The following EPHA6 variants were observed in gnomAD, a reference collection of about 807,000 sequenced individuals.
EPHA6 encodes ephrin type-A receptor 6.
In EPHA6, 50 loss-of-function variants were observed where a neutral mutation model predicts 112.0. The ratio of observed to expected loss-of-function variants is 0.45; its 90% confidence interval spans 0.36 to 0.56. The LOEUF (loss-of-function observed/expected upper bound fraction) is 0.56, where lower values mean the gene tolerates loss of function less well. Among genes scored for constraint, EPHA6 ranks in the 20% least tolerant of loss-of-function variants. The pLI, the probability that EPHA6 is intolerant of heterozygous loss-of-function variation, is 0.00. For synonymous variants in EPHA6, 529 were observed against 490.7 expected (o/e 1.08, Z -1.03); for missense variants, 1,280 against 1,417.4 (o/e 0.90, Z 1.56).
At chr3:97,748,472 C>A in intron 17 of EPHA6, 115 bp from the exon 18 acceptor site, 1 of 634,046 alleles carries the variant, frequency 1.6e-6, no homozygotes, top group South Asian at 1.9e-5. Flanking sequence ...TTTAAATATT[C>A]ACTTTATCTT....
At chr3:97,342,063 A>G (rs2108862420) in intron 5 of EPHA6, among the ~76,000 whole-genome samples, 1 of 152,330 alleles carries the variant, frequency 6.6e-6, no homozygotes, top group African/African-American at 2.4e-5. Context: ...AGAAACAGAC[A>G]AAGATAACTG....
intron 5 of EPHA6, among the ~76,000 whole-genome samples, chr3:97,266,459 A>G (rs1257639161): frequency 1.3e-5 from 2 of 152,150 alleles, no homozygotes; most frequent in Non-Finnish European, 2.9e-5. Flanking sequence ...TCACATGAGC[A>G]TGATTTAAAG....
At chr3:97,078,266 T>G (rs2046604157) in intron 3 of EPHA6, among the ~76,000 whole-genome samples, 1 of 152,220 alleles carries the variant, frequency 6.6e-6, no homozygotes, top group South Asian at 2.1e-4. Context: ...GTAAATTTGT[T>G]TAAGTTCTTT....
intron 2 of EPHA6, among the ~76,000 whole-genome samples, chr3:96,968,067 T>C (rs530432751): frequency 1.3e-3 from 205 of 152,028 alleles, no homozygotes; most frequent in African/African-American, 4.7e-3. Flanking sequence ...TGTAATATTT[T>C]CTGTAGTTTA....
rs1275398264 is a variant in EPHA6 at position 96,993,424 on chromosome 3, G to A, written c.1114+5431G>A. Among the ~76,000 whole-genome samples, 7 of 152,090 alleles carry A rather than the reference G, an allele frequency of 4.6e-5. No individual in the cohort carries two copies. The East Asian group carries it at 7.8e-4, about 17-fold the overall frequency. ...CGATTCTCAAGCCTCAGCCTCCTGA[G>A]TAACTGAGATTTGTTGGACAGGATA... On this transcript the variant is annotated intron_variant, in intron 3 of 17. Coordinates refer to ENST00000389672, the MANE Select transcript of EPHA6 (RefSeq NM_001080448.3).
Position 97,325,370 on chromosome 3 carries a change from T to C in EPHA6, c.1607-79780T>C, listed in dbSNP as rs2082368432. 2.6e-5 allele frequency among the ~76,000 whole-genome samples: 4 copies of C among 152,116 alleles called. No individual in the cohort carries two copies. In the South Asian group the frequency reaches 8.3e-4, roughly 31 times the overall value. ...TCCTTTCACTGTGTCCTCACTGGTC[T>C]TTTCTCTGTGTGTGCACATCCCTGG... On this transcript the variant is annotated intron_variant, in intron 5 of 17. Transcript: ENST00000389672.
At chr3:97,486,953 G>T (rs1018775429) in intron 10 of EPHA6, among the ~76,000 whole-genome samples, 6 of 152,148 alleles carry the variant, frequency 3.9e-5, no homozygotes, top group African/African-American at 1.4e-4. Context: ...CCCAGCTATT[G>T]ATTGTTTCTT....
At chr3:97,736,819 TAC>T (rs928613577) in intron 16 of EPHA6, among the ~76,000 whole-genome samples, 1 of 152,076 alleles carries the variant, frequency 6.6e-6, no homozygotes, top group African/African-American at 2.4e-5. Flanking sequence ...CTGAAAATAT[TAC>T]ATTTTAAATA....
intron 5 of EPHA6, among the ~76,000 whole-genome samples, chr3:97,392,352 G>A (rs906253289): frequency 1.3e-5 from 2 of 151,468 alleles, no homozygotes; most frequent in African/African-American, 2.4e-5. Context: ...CTTCTGTTTT[G>A]CTCTTCTTAC....
At chr3:97,501,992 C>T (rs899517539) in intron 10 of EPHA6, among the ~76,000 whole-genome samples, 3 of 151,762 alleles carry the variant, frequency 2.0e-5, no homozygotes, top group African/African-American at 7.3e-5. Context: ...CATGTCTGTG[C>T]CTTCCATGGA....
chr3:97,041,414 C>A (rs937106337), intron 3 of EPHA6, among the ~76,000 whole-genome samples: 1 of 151,976 alleles, frequency 6.6e-6, no homozygotes, highest in Non-Finnish European at 1.5e-5. Flanking sequence ...TGACTGCTGT[C>A]TTGTAATGCT....
intron 3 of EPHA6, among the ~76,000 whole-genome samples, chr3:96,997,387 C>T (rs2043460907): frequency 6.6e-6 from 1 of 152,008 alleles, no homozygotes; most frequent in Non-Finnish European, 1.5e-5. Context: ...CTTTCAAGGC[C>T]TTCCTCACTA....
At chr3:97,566,754 T>C (rs1030201246) in intron 11 of EPHA6, among the ~76,000 whole-genome samples, 1 of 152,232 alleles carries the variant, frequency 6.6e-6, no homozygotes, top group African/African-American at 2.4e-5. Context: ...TTGGCTCTGC[T>C]TTCTTCAATA....
At chr3:96,953,598 G>A (rs895017055) in intron 2 of EPHA6, among the ~76,000 whole-genome samples, 1 of 152,046 alleles carries the variant, frequency 6.6e-6, no homozygotes, top group African/African-American at 2.4e-5. Context: ...CTCTTTTCTG[G>A]TGTTAAAGTT....
intron 10 of EPHA6, among the ~76,000 whole-genome samples, chr3:97,512,915 T>G (rs1241392462): frequency 1.3e-5 from 2 of 152,316 alleles, no homozygotes; most frequent in South Asian, 2.1e-4. Context: ...GTCTTTTTTT[T>G]GCTAGTGCAG....
chr3:97,386,275 AT>A (rs2086063177), intron 5 of EPHA6, among the ~76,000 whole-genome samples: 1 of 152,278 alleles, frequency 6.6e-6, no homozygotes, highest in Non-Finnish European at 1.5e-5. Context: ...TTCTTCGTAA[AT>A]TACCTAATTT....
chr3:96,829,834 A>G (rs1270357293), intron 1 of EPHA6, among the ~76,000 whole-genome samples: 1 of 152,038 alleles, frequency 6.6e-6, no homozygotes, highest in Non-Finnish European at 1.5e-5. Context: ...TTTTGCTTAA[A>G]ATTTCAAAAT....
intron 13 of EPHA6, among the ~76,000 whole-genome samples, chr3:97,633,503 A>G (rs1388759048): frequency 6.6e-6 from 1 of 152,136 alleles, no homozygotes; most frequent in African/African-American, 2.4e-5. Flanking sequence ...TTCTCCCCTC[A>G]TAAACAATTC....
intron 3 of EPHA6, among the ~76,000 whole-genome samples, chr3:97,124,923 C>T (rs1157319460): frequency 1.3e-5 from 2 of 152,190 alleles, no homozygotes; most frequent in Non-Finnish European, 2.9e-5. Flanking sequence ...TATCTTTTGA[C>T]TTGCTGGAAG....
Sources: allele counts gnomAD v4.1 joint callset (sites outside exome capture counted in the v4.1 genomes callset), GRCh38; gene constraint gnomAD v4.1.1; transcripts MANE v1.5; gene names NCBI Gene and HGNC (gene_info 2026-07-23, HGNC 2026-07-21).